Variants in CDC42BPB observed in about 807,000 individuals in gnomAD.
The protein encoded by CDC42BPB is CDC42 binding protein kinase beta, also known as serine/threonine-protein kinase MRCK beta.
CDC42BPB carries 37 observed loss-of-function variants against 214.9 expected under a neutral mutation model. The observed-to-expected ratio is 0.17, with a 90% CI of 0.13 to 0.23. The LOEUF is 0.23. Ranked by LOEUF, CDC42BPB falls within the 10% of genes least tolerant of loss-of-function variation. The pLI is 1.00. For synonymous variants in CDC42BPB, 931 were observed against 884.0 expected (o/e 1.05, Z -0.94); for missense variants, 1,694 against 2,227.0 (o/e 0.76, Z 4.82).
intron 1 of CDC42BPB, among the ~76,000 whole-genome samples, chr14:103,030,317 A>G (rs1265901757): frequency 6.6e-6 from 1 of 152,276 alleles, no homozygotes; most frequent in Non-Finnish European, 1.5e-5. Context: ...TTTAAAAAAG[A>G]GGCAAAGAAA....
At chr14:102,934,006 C>T (rs1891517767) in intron 36 of CDC42BPB, 163 bp from the exon 37 acceptor site, 3 of 1,369,800 alleles carry the variant, frequency 2.2e-6, no homozygotes, top group Non-Finnish European at 2.8e-6. Context: ...TTCGTGGGGC[C>T]CTTAGGCGTG....
chr14:103,016,309 G>A (rs1886456740), intron 1 of CDC42BPB, among the ~76,000 whole-genome samples: 1 of 152,242 alleles, frequency 6.6e-6, no homozygotes, highest in African/African-American at 2.4e-5. Flanking sequence ...GTCACTCTAG[G>A]AGGGAGCGGG....
intron 7 of CDC42BPB, among the ~76,000 whole-genome samples, chr14:102,981,987 T>C (rs1301155091): frequency 6.6e-6 from 1 of 152,188 alleles, no homozygotes; most frequent in Non-Finnish European, 1.5e-5. Flanking sequence ...CCACCACCTC[T>C]GTCATCTACA....
chr14:102,983,952 G>C (rs538701071), intron 6 of CDC42BPB, 196 bp from the exon 7 acceptor site: 16 of 946,994 alleles, frequency 1.7e-5, no homozygotes, highest in Non-Finnish European at 2.0e-5. Context: ...CTACTTGGGA[G>C]GCTGAGGCCG....
Position 102,939,929 on chromosome 14 carries a change from G to C in CDC42BPB, c.4610C>G (p.Pro1537Arg), listed in dbSNP as rs752024361. 1.2e-6 allele frequency: 2 copies of C among 1,613,928 alleles called. No homozygotes were observed. The highest frequency in any genetic ancestry group is 1.7e-6 in the Non-Finnish European group (2 of 1,180,044). ...SKFSGAVLNV[P>R]DTSDNSKKQM... ...CTTCTTGCTGTTGTCGGAGGTGTCC[G>C]GCACGTTGAGAACCGCTCCTGCAGA... The change falls in exon 33 of 37, where the codon CCG (proline) becomes CGG (arginine). Residue 1537 changes from proline to arginine, a missense_variant. By Grantham distance (103) the Pro-to-Arg change is moderately radical (BLOSUM62 -2). Transcript: ENST00000361246.
chr14:102,975,752 T>A lies in CDC42BPB; in HGVS notation c.1439A>T (p.Asn480Ile). 6.2e-7 allele frequency: 1 copy of A among 1,614,184 alleles called. No individual in the cohort carries two copies. Among genetic ancestry groups the A allele is most frequent in the Non-Finnish European group, 8.5e-7 (1 of 1,179,984 alleles). The change falls in exon 11 of 37, where the codon AAT (asparagine) becomes ATT (isoleucine). Residue 480 changes from asparagine to isoleucine, a missense_variant. By Grantham distance (149) the Asn-to-Ile change is moderately radical (BLOSUM62 -3). Coordinates refer to ENST00000361246, the MANE Select transcript of CDC42BPB (RefSeq NM_006035.4). ...TTTGATTTCTTTATCTCGGTTTGAA[T>A]TGCTGAGGGCCCGAGATGAGCCGTG... ...SLHGSSRALS[N>I]SNRDKEIKKL...
intron 1 of CDC42BPB, among the ~76,000 whole-genome samples, chr14:103,056,575 G>A (rs1006096678): frequency 2.7e-5 from 4 of 150,302 alleles, no homozygotes; most frequent in African/African-American, 9.9e-5. Flanking sequence ...GCGGGGGCGG[G>A]GGCGGGGGCG....
chr14:102,933,945 A>C, intron 36 of CDC42BPB, 102 bp from the exon 37 acceptor site: 2 of 1,438,494 alleles, frequency 1.4e-6, no homozygotes. Flanking sequence ...AACTGTCGCA[A>C]CTGCTCTTCT....
At chr14:103,008,256 AG>A (rs1156755168) in intron 3 of CDC42BPB, among the ~76,000 whole-genome samples, 1 of 152,256 alleles carries the variant, frequency 6.6e-6, no homozygotes, top group African/African-American at 2.4e-5. Flanking sequence ...GTGCACTCTC[AG>A]GAACAGTGTC....
rs199956252 is a variant in CDC42BPB, at chr14:102,983,607, C to T, written c.840G>A (p.Pro280=). ...CMYEMLYGET[P]FYAESLVETY... ...TCTCCACGAGTGACTCCGCATAAAA[C>T]GGCGTTTCTCCATAGAGCATCTCAT... Residue 280 remains proline (P), a synonymous_variant, in exon 7 of 37, where the codon CCG becomes CCA. Transcript: ENST00000361246. 4.2e-5 allele frequency: 67 copies of T among 1,612,400 alleles called. No homozygotes were observed. The highest frequency in any genetic ancestry group is 1.7e-4 in the Middle Eastern group (1 of 6,060).
intron 1 of CDC42BPB, among the ~76,000 whole-genome samples, chr14:103,046,548 G>A (rs1015985112): frequency 3.9e-5 from 6 of 152,162 alleles, no homozygotes; most frequent in South Asian, 2.1e-4. Flanking sequence ...AAACATCTAC[G>A]TAACAAACGT....
chr14:103,053,012 CT>C (rs1423976330), intron 1 of CDC42BPB, among the ~76,000 whole-genome samples: 1 of 152,198 alleles, frequency 6.6e-6, no homozygotes, highest in Non-Finnish European at 1.5e-5. Flanking sequence ...TTCATATGTT[CT>C]GCTTCAAATG....
intron 5 of CDC42BPB, among the ~76,000 whole-genome samples, chr14:102,994,164 A>G (rs1894619693): frequency 6.6e-6 from 1 of 152,014 alleles, no homozygotes; most frequent in Non-Finnish European, 1.5e-5. Flanking sequence ...GCTAAACAGG[A>G]CCTGGTTGCC....
At chr14:103,022,238 C>T (rs1886814287) in intron 1 of CDC42BPB, among the ~76,000 whole-genome samples, 1 of 152,078 alleles carries the variant, frequency 6.6e-6, no homozygotes, top group Non-Finnish European at 1.5e-5. Flanking sequence ...GCTTTTGCCA[C>T]GTGGAGACCA....
chr14:103,043,721 A>T (rs1480204245), intron 1 of CDC42BPB, among the ~76,000 whole-genome samples: 1 of 152,136 alleles, frequency 6.6e-6, no homozygotes, highest in East Asian at 1.9e-4. Flanking sequence ...TGTAAATGGC[A>T]GAGAAGCCTT....
chr14:102,954,673 C>G lies in CDC42BPB; in HGVS notation c.2917G>C (p.Glu973Gln), dbSNP rs760759588. Residue 973 changes from glutamate to glutamine, a missense_variant, in exon 22 of 37, where the codon GAG becomes CAG. Physicochemically the swap from Glu to Gln is conservative, Grantham distance 29. Transcript: ENST00000361246. ...GGCTTCGGAGCTTGTGTTTCTTGCT[C>G]ACTAGCTGAGCTGGTCTGTGAGAAC... Reference protein sequence around the residue: ...DLTFRTSSASEQETQAPKPEA... With the variant: ...DLTFRTSSASQQETQAPKPEA... 1.9e-6 allele frequency: 3 copies of G among 1,613,802 alleles called. No homozygotes were observed. Among genetic ancestry groups the G allele is most frequent in the Non-Finnish European group, 8.5e-7 (1 of 1,179,850 alleles).
intron 18 of CDC42BPB, 50 bp downstream of exon 18, chr14:102,966,232 C>T (rs557636445): frequency 7.5e-7 from 1 of 1,336,240 alleles, no homozygotes; most frequent in Admixed American, 1.7e-5. Context: ...TACTTAAAAC[C>T]ATTAGCGAAT....
At chr14:103,026,081 A>G (rs1047788485) in intron 1 of CDC42BPB, among the ~76,000 whole-genome samples, 1 of 152,136 alleles carries the variant, frequency 6.6e-6, no homozygotes, top group African/African-American at 2.4e-5. Flanking sequence ...GAAGGCCTAC[A>G]TGTAAGAACT....
At position 102,949,867 on chromosome 14, in the gene CDC42BPB, C is replaced by T. The variant is rs1428890014; in HGVS notation, c.3347G>A (p.Arg1116His). Residue 1116 changes from arginine to histidine, a missense_variant, in exon 26 of 37, where the codon CGC (arginine) becomes CAC (histidine). Arg to His is a conservative substitution (Grantham distance 29). This residue lies in a region of CDC42BPB where 567 missense variants were observed against 790.3 expected (regional missense o/e 0.72). Transcript: ENST00000361246. Reference protein sequence around the residue: ...KPTGVKKGWQRAYAVVCDCKL... With the variant: ...KPTGVKKGWQHAYAVVCDCKL... The stretch of plus-strand genomic sequence containing the variant: ...GCAGTCACAGACGACTGCATATGCG[C>T]GCTGCCATCCCTTCTTCACCCCCGT... 6.2e-7 allele frequency: 1 copy of T among 1,613,656 alleles called. No individual in the cohort carries two copies. Among genetic ancestry groups the T allele is most frequent in the Admixed American group, 1.7e-5 (1 of 60,030 alleles).
Sources: gnomAD v4.1 joint callset for allele counts (sites outside exome capture counted in the v4.1 genomes callset) on GRCh38, gnomAD v4.1.1 for gene constraint, gnomAD v4.1.1 regional missense constraint, MANE v1.5 for transcripts, NCBI Gene and HGNC (gene_info 2026-07-23, HGNC 2026-07-21) for gene names.